Variants in FREM3 observed in about 807,000 individuals in gnomAD.
The protein encoded by FREM3 is FRAS1-related extracellular matrix protein 3.
A neutral mutation model predicts 129.1 loss-of-function variants in FREM3; 105 were observed. That is an observed-to-expected ratio of 0.81 (90% confidence interval 0.69 to 0.96). The LOEUF (loss-of-function observed/expected upper bound fraction) is 0.96. FREM3 is among the 40% of genes least tolerant of loss of function. The pLI, the probability that FREM3 is intolerant of heterozygous loss-of-function variation, is 0.00. For synonymous variants in FREM3, 1,014 were observed against 1,044.9 expected, an observed-to-expected ratio of 0.97 and a Z score of 0.57; for missense variants, 2,593 against 2,666.3, an observed-to-expected ratio of 0.97 and a Z score of 0.61.
At chr4:143,676,971 G>T (rs1385321380) in intron 2 of FREM3, among the ~76,000 whole-genome samples, 2 of 152,194 alleles carry the variant, frequency 1.3e-5, no homozygotes, top group South Asian at 2.1e-4. Flanking sequence ...TACTACCCAA[G>T]GTAATTTATA....
chr4:143,620,813 A>G (rs537222163), intron 5 of FREM3, among the ~76,000 whole-genome samples: 2 of 152,296 alleles, frequency 1.3e-5, no homozygotes, highest in African/African-American at 4.8e-5. Context: ...TTTAATCCCA[A>G]TTTTGAATAA....
At chr4:143,689,605 A>G (rs1236973243) in intron 2 of FREM3, among the ~76,000 whole-genome samples, 1 of 152,154 alleles carries the variant, frequency 6.6e-6, no homozygotes, top group East Asian at 1.9e-4. Context: ...AGCACAATTC[A>G]CAATTGCAAA....
intron 7 of FREM3, among the ~76,000 whole-genome samples, chr4:143,580,837 C>A (rs1738130065): frequency 6.6e-6 from 1 of 152,224 alleles, no homozygotes; most frequent in African/African-American, 2.4e-5. Context: ...ACTAATGTAA[C>A]CCCCAGCACA....
rs186367569 is a variant in FREM3, at chr4:143,648,230, A to G, written c.5276-20470T>C. The stretch of plus-strand genomic sequence containing the variant: ...TACCTAATGCCTGTACTCCCATTGT[A>G]TCTAGGAAGTAGCTAACTTGCTTTT... On this transcript the variant is annotated intron_variant, in intron 2 of 7. Coordinates refer to ENST00000329798, the MANE Select transcript of FREM3 (RefSeq NM_001168235.2). 3.4e-3 allele frequency among the ~76,000 whole-genome samples: 523 copies of G among 152,320 alleles called. 11 individuals carry two copies. The highest frequency in any genetic ancestry group is 2.1e-3 in the East Asian group (11 of 5,178).
chr4:143,618,615 C>G (rs988287276), intron 5 of FREM3, among the ~76,000 whole-genome samples: 4 of 152,050 alleles, frequency 2.6e-5, no homozygotes, highest in African/African-American at 9.7e-5. Flanking sequence ...CATTAGCAGC[C>G]AAGTATGGTG....
rs1285482315 is a variant in FREM3, at chr4:143,698,358, A to T, written c.2318T>A (p.Met773Lys). ...VLTDSPDTLIMHFTQAQVNQH... is the reference protein window; with the variant it reads ...VLTDSPDTLIKHFTQAQVNQH... ...ATTTACCTGGGCTTGGGTAAAGTGCATGATGAGTGTGTCTGGTGAATCAGT... is the reference window on the plus strand; with the variant it reads ...ATTTACCTGGGCTTGGGTAAAGTGCTTGATGAGTGTGTCTGGTGAATCAGT... The change falls in exon 1 of 8, where the codon ATG (methionine) becomes AAG (lysine). Residue 773 changes from methionine (M) to lysine (K), a missense_variant. This residue lies in a region of FREM3 where 2,276 missense variants were observed against 2,267.2 expected (regional missense o/e 1.00). Coordinates refer to ENST00000329798, the MANE Select transcript of FREM3 (RefSeq NM_001168235.2). 11 of 1,537,960 alleles carry T rather than the reference A, an allele frequency of 7.2e-6. No individual in the cohort carries two copies. The Admixed American group carries it at 2.2e-4, about 30-fold the overall frequency.
Position 143,696,031 on chromosome 4 carries a change from T to G in FREM3, c.4645A>C (p.Lys1549Gln). ...ILTIHRLTLQ[K>Q]EDSQLITLLE... The stretch of plus-strand genomic sequence containing the variant: ...AGAGTGATCAGTTGGCTATCCTCTT[T>G]CTGTAGTGTTAGTCTATGGATGGTC... Residue 1549 changes from lysine to glutamine, a missense_variant, in exon 1 of 8, where the codon AAA (lysine) becomes CAA (glutamine). Physicochemically the swap from Lys to Gln is moderately conservative, Grantham distance 53. This residue lies in a region of FREM3 where 2,276 missense variants were observed against 2,267.2 expected (regional missense o/e 1.00). Coordinates refer to ENST00000329798, the MANE Select transcript of FREM3 (RefSeq NM_001168235.2). 6.5e-7 allele frequency: 1 copy of G among 1,537,874 alleles called. No homozygotes were observed. The highest frequency in any genetic ancestry group is 1.4e-5 in the African/African-American group (1 of 73,180).
rs975230977 is a variant in FREM3, at chr4:143,609,211, G to A, written c.6028+2068C>T. Among the ~76,000 whole-genome samples the A allele has an allele frequency of 3.3e-5, 5 of 152,082 alleles. 1 individual carries two copies. The highest frequency in any genetic ancestry group is 2.6e-4 in the Admixed American group (4 of 15,254). ...CAGCACAAGCTTTGCTGACTCTGTTGTTCCACTTTTGATTCTCTTCCTTTT... is the reference window on the plus strand; with the variant it reads ...CAGCACAAGCTTTGCTGACTCTGTTATTCCACTTTTGATTCTCTTCCTTTT... On this transcript the variant is annotated intron_variant, in intron 6 of 7. Coordinates refer to ENST00000329798, the MANE Select transcript of FREM3 (RefSeq NM_001168235.2).
chr4:143,676,342 C>CCCTTA (rs1167851648), intron 2 of FREM3, among the ~76,000 whole-genome samples: 6 of 150,912 alleles, frequency 4.0e-5, no homozygotes, highest in African/African-American at 4.8e-5. Context: ...AATTCAACAA[C>CCCTTA]CCTTCATGCT....
intron 2 of FREM3, among the ~76,000 whole-genome samples, chr4:143,635,967 C>T (rs1444867034): frequency 6.6e-6 from 1 of 152,110 alleles, no homozygotes; most frequent in East Asian, 1.9e-4. Flanking sequence ...TTCACTCACA[C>T]AGTAGCTCTC....
intron 2 of FREM3, among the ~76,000 whole-genome samples, chr4:143,628,755 G>A (rs1380972708): frequency 6.6e-6 from 1 of 152,092 alleles, no homozygotes; most frequent in African/African-American, 2.4e-5. Context: ...GTATGAGATG[G>A]GGCTACAGCC....
intron 2 of FREM3, among the ~76,000 whole-genome samples, chr4:143,684,600 T>C (rs943503666): frequency 6.6e-6 from 1 of 152,076 alleles, no homozygotes; most frequent in Non-Finnish European, 1.5e-5. Context: ...ACAAAGCTCT[T>C]CAACACCCCC....
At position 143,651,052 on chromosome 4, in the gene FREM3, C is replaced by T. The variant is rs536892405; in HGVS notation, c.5276-23292G>A. Among the ~76,000 whole-genome samples the T allele has an allele frequency of 3.9e-5, 6 of 152,230 alleles. No individual in the cohort carries two copies. In the East Asian group the frequency reaches 9.6e-4, roughly 24 times the overall value. On this transcript the variant is annotated intron_variant, in intron 2 of 7. Transcript: ENST00000329798. Reference sequence around the variant, plus strand: ...TCCTTTTAATAATATTCATATGTTTCTATTTTACTTACTATTTAAATAGGG... The same window carrying T: ...TCCTTTTAATAATATTCATATGTTTTTATTTTACTTACTATTTAAATAGGG...
intron 2 of FREM3, among the ~76,000 whole-genome samples, chr4:143,654,047 C>G (rs757487548): frequency 2.4e-4 from 36 of 152,156 alleles, no homozygotes; most frequent in Non-Finnish European, 4.6e-4. Flanking sequence ...TTTAGGAGGA[C>G]TACTGGTCTA....
chr4:143,676,770 C>T (rs1740139641), intron 2 of FREM3, among the ~76,000 whole-genome samples: 1 of 152,218 alleles, frequency 6.6e-6, no homozygotes, highest in Non-Finnish European at 1.5e-5. Flanking sequence ...ACCGCCAAAT[C>T]ATGAGTGAAC....
At chr4:143,602,079 C>T (rs1365377149) in intron 6 of FREM3, 1 of 152,116 alleles carries the variant, frequency 6.6e-6, no homozygotes, top group East Asian at 1.9e-4. Flanking sequence ...ATTTGACTCT[C>T]CTAAAAAGGA....
intron 3 of FREM3, among the ~76,000 whole-genome samples, chr4:143,625,121 A>C (rs1340997994): frequency 1.3e-5 from 2 of 152,114 alleles, no homozygotes; most frequent in Admixed American, 6.5e-5. Flanking sequence ...TAAAATACCC[A>C]ATGTGAGATA....
chr4:143,693,970 G>A (rs758890404), intron 1 of FREM3, among the ~76,000 whole-genome samples: 1 of 152,080 alleles, frequency 6.6e-6, no homozygotes, highest in Non-Finnish European at 1.5e-5. Flanking sequence ...TACAATGAAA[G>A]GAACAATCAA....
Position 143,611,349 on chromosome 4 carries a change from C to A in FREM3, c.5958G>T (p.Leu1986=). 6.5e-7 allele frequency: 1 copy of A among 1,537,082 alleles called. No homozygotes were observed. Among genetic ancestry groups the A allele is most frequent in the South Asian group, 1.2e-5 (1 of 84,056 alleles). Residue 1986 remains leucine (L), a synonymous_variant, in exon 6 of 8, where the codon CTG becomes CTT. Transcript: ENST00000329798. ...EEESFSVSLR[L]PVGGQLGARF... ...TGGCTCCCAGCTGTCCTCCCACTGGCAGCCTAAGTGAAACGCTGAAGGATT... is the reference window on the plus strand; with the variant it reads ...TGGCTCCCAGCTGTCCTCCCACTGGAAGCCTAAGTGAAACGCTGAAGGATT...
Sources: allele counts gnomAD v4.1 joint callset (sites outside exome capture counted in the v4.1 genomes callset), GRCh38; gene constraint gnomAD v4.1.1; regional missense constraint gnomAD v4.1.1; transcripts MANE v1.5; gene names NCBI Gene and HGNC (gene_info 2026-07-23, HGNC 2026-07-21).